The following COL4A5 variants were observed in gnomAD, a reference collection of about 807,000 sequenced individuals.
COL4A5 encodes collagen type IV alpha 5 chain, also known as collagen alpha-5(IV) chain.
A neutral mutation model predicts 130.2 loss-of-function variants in COL4A5; 26 were observed. The observed-to-expected ratio is 0.20, with a 90% CI of 0.15 to 0.28. The LOEUF is 0.28. COL4A5 is among the 10% of genes least tolerant of loss of function. COL4A5 has a pLI of 1.00. For missense variants in COL4A5, 1,131 were observed against 1,344.3 expected (o/e 0.84, Z 2.48); for synonymous variants, 496 against 439.6 (o/e 1.13, Z -1.60).
intron 44 of COL4A5, among the ~76,000 whole-genome samples, chrX:108,678,397 A>ACTT (rs1335551820): frequency 8.9e-6 from 1 of 111,753 alleles, no homozygotes; most frequent in Admixed American, 9.6e-5. Context: ...ACTTCTGTTT[A>ACTT]CTCATTCTCT....
intron 1 of COL4A5, among the ~76,000 whole-genome samples, chrX:108,525,417 G>C (rs754057898): frequency 9.0e-6 from 1 of 111,240 alleles, no homozygotes; most frequent in Non-Finnish European, 1.9e-5. Context: ...ATTGGATCTT[G>C]ATTTTTTTAT....
At chrX:108,546,546 T>C (rs1467341114) in intron 2 of COL4A5, among the ~76,000 whole-genome samples, 1 of 111,798 alleles carries the variant, frequency 8.9e-6, no homozygotes, top group Non-Finnish European at 1.9e-5. Flanking sequence ...TTAGCTTTTT[T>C]TCCTTCATTT....
At chrX:108,692,013 A>G (rs943273283) in intron 49 of COL4A5, among the ~76,000 whole-genome samples, 2 of 111,636 alleles carry the variant, frequency 1.8e-5, no homozygotes, top group Admixed American at 1.9e-4. Flanking sequence ...GCACAGTATC[A>G]ATTTAAACTT....
intron 31 of COL4A5, among the ~76,000 whole-genome samples, chrX:108,621,470 G>A (rs2067049756): frequency 9.0e-6 from 1 of 110,896 alleles, no homozygotes; most frequent in South Asian, 3.9e-4. Context: ...TGGCCTGTAA[G>A]ACTTCTTTTG....
chrX:108,692,210 G>C (rs1412406942), intron 49 of COL4A5, among the ~76,000 whole-genome samples: 2 of 111,015 alleles, frequency 1.8e-5, no homozygotes, highest in Non-Finnish European at 3.8e-5. Flanking sequence ...TGGTTTGTTT[G>C]TTTTCCCCTC....
intron 4 of COL4A5, among the ~76,000 whole-genome samples, chrX:108,567,788 ATC>A (rs1491400914): frequency 1.8e-5 from 2 of 111,481 alleles, no homozygotes; most frequent in Non-Finnish European, 3.8e-5. Flanking sequence ...GAGACTTACT[ATC>A]ACAAGAACAG....
chrX:108,685,708 G>A (rs777264353), intron 47 of COL4A5, among the ~76,000 whole-genome samples: 1 of 112,276 alleles, frequency 8.9e-6, no homozygotes, highest in South Asian at 3.7e-4. Context: ...TCAAGTGACA[G>A]TCTTATCAAA....
chrX:108,466,254 G>A (rs1042713513), intron 1 of COL4A5, among the ~76,000 whole-genome samples: 3 of 110,512 alleles, frequency 2.7e-5, no homozygotes, highest in African/African-American at 6.6e-5. Context: ...AATATTTAAG[G>A]GTGTATCCTT....
intron 49 of COL4A5, among the ~76,000 whole-genome samples, chrX:108,688,969 A>G (rs775963686): frequency 9.0e-6 from 1 of 111,677 alleles, no homozygotes; most frequent in South Asian, 3.8e-4. Flanking sequence ...CAGGGTAAGG[A>G]TATTCACTTA....
chrX:108,637,491 G>A (rs1197257976), intron 36 of COL4A5, among the ~76,000 whole-genome samples: 2 of 111,377 alleles, frequency 1.8e-5, no homozygotes, highest in African/African-American at 6.5e-5. Context: ...CATAGATGAA[G>A]TCAACAAAAC....
chrX:108,443,400 T>A (rs2064420812), intron 1 of COL4A5, among the ~76,000 whole-genome samples: 1 of 112,208 alleles, frequency 8.9e-6, no homozygotes, highest in Non-Finnish European at 1.9e-5. Context: ...ATTACTCAGT[T>A]ACTGCATTAA....
chrX:108,596,533 CT>C (rs1280942085), intron 22 of COL4A5, among the ~76,000 whole-genome samples: 1 of 112,309 alleles, frequency 8.9e-6, no homozygotes, highest in Admixed American at 9.4e-5. Context: ...AGTCTTTGGG[CT>C]GCAAATGTTT....
Position 108,667,116 on chromosome X carries a change from G to GTTTTC in COL4A5, c.3554-13_3554-12insCTTTT. The GTTTTC allele has an allele frequency of 8.3e-7, 1 of 1,207,342 alleles. No individual in the cohort carries two copies. Among genetic ancestry groups the GTTTTC allele is most frequent in the Admixed American group, 2.2e-5 (1 of 45,647 alleles). On this transcript the variant is annotated splice_polypyrimidine_tract_variant and intron_variant, in intron 39 of 52. Coordinates refer to ENST00000328300, the MANE Select transcript of COL4A5 (RefSeq NM_033380.3). Reference sequence around the variant, plus strand: ...TCCACTTGAGTTTTTGTTTTGTTTTGTTTTGTACTCTGACAGGTCAACCAG... The same window carrying GTTTTC: ...TCCACTTGAGTTTTTGTTTTGTTTTGTTTTCTTTTGTACTCTGACAGGTCAACCAG...
chrX:108,491,468 T>A (rs1489348995), intron 1 of COL4A5, among the ~76,000 whole-genome samples: 1 of 111,897 alleles, frequency 8.9e-6, no homozygotes, highest in Non-Finnish European at 1.9e-5. Flanking sequence ...TATGGCAGAG[T>A]AGGGAACCCT....
intron 50 of COL4A5, chrX:108,694,042 T>TTTGG (rs2068684557): frequency 1.3e-5 from 1 of 76,747 alleles, no homozygotes; most frequent in African/African-American, 8.5e-5. Context: ...GGAATTTGGG[T>TTTGG]GTATGTGTGT....
At chrX:108,659,435 G>T (rs751162989) in intron 37 of COL4A5, among the ~76,000 whole-genome samples, 98 of 110,920 alleles carry the variant, frequency 8.8e-4, no homozygotes, top group African/African-American at 3.0e-3. Context: ...TTAAAATCTT[G>T]TGTATTCTTA....
Position 108,601,978 on chromosome X carries a change from C to G in COL4A5, c.2135C>G (p.Pro712Arg). The change falls in exon 27 of 53, where the codon CCT (proline) becomes CGT (arginine). Residue 712 changes from proline (P) to arginine (R), a missense_variant. Physicochemically the swap from Pro to Arg is moderately radical, Grantham distance 103. Coordinates refer to ENST00000328300, the MANE Select transcript of COL4A5 (RefSeq NM_033380.3). ...CCTGGAATTGGGCTTCCTGGACCACCTGGTCCCAAAGGTATGTTGGAATGG... is the reference window on the plus strand; with the variant it reads ...CCTGGAATTGGGCTTCCTGGACCACGTGGTCCCAAAGGTATGTTGGAATGG... ...GIPGIGLPGP[P>R]GPKGFPGIPG... is the part of the protein sequence containing the mutation. 9.2e-7 allele frequency: 1 copy of G among 1,089,814 alleles called. No homozygotes were observed. The highest frequency in any genetic ancestry group is 1.3e-6 in the Non-Finnish European group (1 of 795,883). The allele number at this position is 1,089,814 out of a possible 1,213,427, so 89.8% of individuals were successfully genotyped here. A position where few individuals can be genotyped will look rare whatever the true frequency, so the allele number is the denominator to read the frequency against.
intron 1 of COL4A5, among the ~76,000 whole-genome samples, chrX:108,501,825 T>G (rs993490989): frequency 1.8e-5 from 2 of 112,339 alleles, no homozygotes; most frequent in African/African-American, 6.5e-5. Flanking sequence ...AGCACTACAG[T>G]TATTGACTCT....
chrX:108,545,166 G>A (rs1228312289), intron 2 of COL4A5, among the ~76,000 whole-genome samples: 1 of 111,471 alleles, frequency 9.0e-6, no homozygotes, highest in Non-Finnish European at 1.9e-5. Flanking sequence ...GAATGTGTTT[G>A]CTCTTGCTTC....
Sources: allele counts gnomAD v4.1 joint callset (sites outside exome capture counted in the v4.1 genomes callset), GRCh38; gene constraint gnomAD v4.1.1; transcripts MANE v1.5; gene names NCBI Gene and HGNC (gene_info 2026-07-23, HGNC 2026-07-21).